CNTN4: variants seen among roughly 807,000 people sequenced by gnomAD.
CNTN4 encodes contactin-4.
Under a neutral mutation model 122.5 loss-of-function variants are expected in CNTN4, and 77 were observed. The ratio of observed to expected loss-of-function variants is 0.63; its 90% CI spans 0.52 to 0.76. The LOEUF is 0.76. CNTN4 is among the 30% of genes least tolerant of loss of function. The pLI is 0.00. For synonymous variants in CNTN4, 512 were observed against 447.0 expected (o/e 1.15, Z -1.83); for missense variants, 1,256 against 1,259.1 (o/e 1.00, Z 0.04).
In CNTN4 at chr3:3,053,846, A is replaced by G; in HGVS notation, c.2851A>G (p.Ile951Val). ...RWNRQSSTSV[I>V]ETNKTSVELS... ...GAACAGACAAAGCAGCACATCTGTC[A>G]TTGAAACAAATAAAACATCGGTGGA... The change falls in exon 24 of 25, where the codon ATT becomes GTT. Residue 951 changes from isoleucine to valine, a missense_variant. Physicochemically the swap from Ile to Val is conservative, Grantham distance 29. Transcript: ENST00000418658. 1 of 1,614,238 alleles carries G rather than the reference A, an allele frequency of 6.2e-7. No individual in the cohort carries two copies. The highest frequency in any genetic ancestry group is 8.5e-7 in the Non-Finnish European group (1 of 1,180,044).
intron 6 of CNTN4, among the ~76,000 whole-genome samples, chr3:2,750,951 A>C (rs1471257537): frequency 1.3e-5 from 2 of 152,104 alleles, no homozygotes; most frequent in Non-Finnish European, 2.9e-5. Context: ...AAGACAGTTG[A>C]CATCTTAATT....
At position 3,040,021 on chromosome 3, in the gene CNTN4, C is replaced by T. The variant is rs1309601943; in HGVS notation, c.2164-16C>T. 1 of 1,567,332 alleles carries T rather than the reference C, an allele frequency of 6.4e-7. No individual in the cohort carries two copies. Reference sequence around the variant, plus strand: ...AACTACTGTGATTTCTGAAGACCACCTTCCTTCTTTCCCAGACGGTCCCTG... The same window carrying T: ...AACTACTGTGATTTCTGAAGACCACTTTCCTTCTTTCCCAGACGGTCCCTG... On this transcript the variant is annotated splice_polypyrimidine_tract_variant and intron_variant, in intron 19 of 24. Coordinates refer to ENST00000418658, the MANE Select transcript of CNTN4 (RefSeq NM_175607.3).
chr3:2,693,811 A>G (rs540274268), intron 4 of CNTN4, among the ~76,000 whole-genome samples: 30 of 152,326 alleles, frequency 2.0e-4, no homozygotes, highest in Middle Eastern at 6.8e-3. Flanking sequence ...ACAAGAATTC[A>G]TTGATAAACT....
At chr3:2,353,331 C>T (rs752697985) in intron 3 of CNTN4, among the ~76,000 whole-genome samples, 17 of 152,266 alleles carry the variant, frequency 1.1e-4, no homozygotes, top group Middle Eastern at 6.8e-3. Context: ...ATAAAATGGA[C>T]CAATCATCAG....
At chr3:2,825,951 C>G (rs949422462) in intron 7 of CNTN4, among the ~76,000 whole-genome samples, 6 of 152,152 alleles carry the variant, frequency 3.9e-5, no homozygotes, top group African/African-American at 1.4e-4. Context: ...GACCTTCGAA[C>G]ACGAACATCT....
intron 23 of CNTN4, among the ~76,000 whole-genome samples, chr3:3,052,152 G>T (rs2125896309): frequency 6.6e-6 from 1 of 152,284 alleles, no homozygotes; most frequent in Middle Eastern, 3.4e-3. Flanking sequence ...TGATCTTTTA[G>T]AAAACAACTA....
chr3:2,368,634 T>A (rs1321224256), intron 3 of CNTN4, among the ~76,000 whole-genome samples: 5 of 151,642 alleles, frequency 3.3e-5, no homozygotes, highest in African/African-American at 1.2e-4. Flanking sequence ...GATAAAAATA[T>A]GAATAAACCG....
intron 7 of CNTN4, among the ~76,000 whole-genome samples, chr3:2,849,867 CAGTT>C (rs1238502941): frequency 6.6e-6 from 1 of 152,138 alleles, no homozygotes; most frequent in Non-Finnish European, 1.5e-5. Flanking sequence ...CATCTCAGAC[CAGTT>C]ATTGCCTTGA....
intron 2 of CNTN4, among the ~76,000 whole-genome samples, chr3:2,185,363 T>A (rs945911995): frequency 6.6e-6 from 1 of 152,178 alleles, no homozygotes; most frequent in African/African-American, 2.4e-5. Flanking sequence ...TATGTCCAAA[T>A]TCTGGATTCT....
At chr3:2,919,943 G>C (rs1291515860) in intron 12 of CNTN4, among the ~76,000 whole-genome samples, 3 of 151,906 alleles carry the variant, frequency 2.0e-5, no homozygotes, top group Non-Finnish European at 4.4e-5. Flanking sequence ...CTCCACCTAT[G>C]TTTATGTAAC....
chr3:2,563,714 G>T (rs1184180294), intron 3 of CNTN4, among the ~76,000 whole-genome samples: 1 of 152,122 alleles, frequency 6.6e-6, no homozygotes, highest in African/African-American at 2.4e-5. Flanking sequence ...AACCATTCAT[G>T]TCTGTTTTTC....
At chr3:2,184,754 G>C (rs2037170908) in intron 2 of CNTN4, among the ~76,000 whole-genome samples, 1 of 152,166 alleles carries the variant, frequency 6.6e-6, no homozygotes, top group Non-Finnish European at 1.5e-5. Flanking sequence ...CTTGGACACA[G>C]AGAGCTGCCT....
At chr3:3,027,091 C>G (rs1698789011) in intron 15 of CNTN4, among the ~76,000 whole-genome samples, 1 of 152,148 alleles carries the variant, frequency 6.6e-6, no homozygotes, top group Admixed American at 6.5e-5. Context: ...TGTCCACCCC[C>G]TTTACGTTGA....
At chr3:2,763,588 T>G (rs2090699101) in intron 6 of CNTN4, among the ~76,000 whole-genome samples, 1 of 152,190 alleles carries the variant, frequency 6.6e-6, no homozygotes, top group South Asian at 2.1e-4. Flanking sequence ...ATTGCCCAGG[T>G]GTTGTCTTCC....
At chr3:2,542,854 T>C (rs1272018618) in intron 3 of CNTN4, among the ~76,000 whole-genome samples, 1 of 152,134 alleles carries the variant, frequency 6.6e-6, no homozygotes, top group Non-Finnish European at 1.5e-5. Flanking sequence ...ACTGACTCAG[T>C]GCTCTTTGTG....
At chr3:2,746,013 A>G (rs1427611961) in intron 6 of CNTN4, among the ~76,000 whole-genome samples, 1 of 152,140 alleles carries the variant, frequency 6.6e-6, no homozygotes, top group Non-Finnish European at 1.5e-5. Context: ...TAAACAACAA[A>G]TTTGACACCC....
intron 4 of CNTN4, among the ~76,000 whole-genome samples, chr3:2,691,757 G>A (rs2085752189): frequency 6.6e-6 from 1 of 152,122 alleles, no homozygotes; most frequent in South Asian, 2.1e-4. Flanking sequence ...TAACAAAAGA[G>A]GGTTAGATGT....
intron 7 of CNTN4, among the ~76,000 whole-genome samples, chr3:2,830,958 G>A (rs1166915426): frequency 2.0e-5 from 3 of 152,164 alleles, no homozygotes; most frequent in East Asian, 1.9e-4. Flanking sequence ...CTCAGAAATC[G>A]AAGGCTCAGA....
intron 2 of CNTN4, among the ~76,000 whole-genome samples, chr3:2,157,453 A>G (rs2035769830): frequency 6.6e-6 from 1 of 152,204 alleles, no homozygotes; most frequent in Non-Finnish European, 1.5e-5. Context: ...TATCTGGCTT[A>G]GGGAAGGAGT....
Sources: allele counts gnomAD v4.1 joint callset (sites outside exome capture counted in the v4.1 genomes callset), GRCh38; gene constraint gnomAD v4.1.1; transcripts MANE v1.5; gene names NCBI Gene and HGNC (gene_info 2026-07-23, HGNC 2026-07-21).